Variants in IQGAP2 observed in about 807,000 individuals in gnomAD.
IQGAP2 encodes IQ motif containing GTPase activating protein 2.
IQGAP2 carries 173 observed loss-of-function variants against 201.3 expected under a neutral mutation model. The observed-to-expected ratio is 0.86, with a 90% CI of 0.76 to 0.98. IQGAP2 has a LOEUF of 0.98. Ranked by LOEUF, IQGAP2 falls within the 50% of genes least tolerant of loss-of-function variation. IQGAP2 has a pLI of 0.00. For missense variants in IQGAP2, 1,687 were observed against 1,864.8 expected, an observed-to-expected ratio of 0.90 and a Z score of 1.76; for synonymous variants, 675 against 673.9, an observed-to-expected ratio of 1.00 and a Z score of -0.03.
intron 24 of IQGAP2, among the ~76,000 whole-genome samples, chr5:76,672,950 A>G (rs956506213): frequency 6.6e-6 from 1 of 152,004 alleles, no homozygotes; most frequent in African/African-American, 2.4e-5. Context: ...GATATACCTA[A>G]TGCTAAATGA....
At chr5:76,437,113 G>T (rs188368565) in intron 1 of IQGAP2, among the ~76,000 whole-genome samples, 1 of 151,666 alleles carries the variant, frequency 6.6e-6, no homozygotes, top group African/African-American at 2.4e-5. Flanking sequence ...GTGCAATGGC[G>T]CAATCTCGAC....
chr5:76,448,246 A>G (rs1753524880), intron 1 of IQGAP2, among the ~76,000 whole-genome samples: 1 of 152,200 alleles, frequency 6.6e-6, no homozygotes, highest in Admixed American at 6.5e-5. Flanking sequence ...AATGCTGTGC[A>G]ATGAAGAGGA....
chr5:76,563,442 A>G (rs1163156995), intron 3 of IQGAP2, among the ~76,000 whole-genome samples: 3 of 152,232 alleles, frequency 2.0e-5, no homozygotes, highest in African/African-American at 7.2e-5. Context: ...GAAGGTAGAC[A>G]GATGATAAAA....
chr5:76,641,423 A>T (rs1259278240), intron 17 of IQGAP2, among the ~76,000 whole-genome samples: 1 of 152,182 alleles, frequency 6.6e-6, no homozygotes, highest in Non-Finnish European at 1.5e-5. Flanking sequence ...TGGGGACTTT[A>T]CAATTTGGCT....
intron 5 of IQGAP2, among the ~76,000 whole-genome samples, chr5:76,576,189 A>C (rs1229009672): frequency 7.4e-6 from 1 of 134,960 alleles, no homozygotes; most frequent in Non-Finnish European, 1.6e-5. Flanking sequence ...ATTTAGTTCA[A>C]TTCTTACAAA....
chr5:76,557,496 AG>A (rs1211347618), intron 2 of IQGAP2, among the ~76,000 whole-genome samples: 1 of 152,236 alleles, frequency 6.6e-6, no homozygotes, highest in African/African-American at 2.4e-5. Flanking sequence ...AGAGAAAAAG[AG>A]GTATCTCCAT....
chr5:76,489,455 T>TG (rs528239717), intron 2 of IQGAP2, among the ~76,000 whole-genome samples: 39 of 152,142 alleles, frequency 2.6e-4, no homozygotes, highest in African/African-American at 9.4e-4. Context: ...TCTTTTTTGT[T>TG]TTTGTTGTTT....
intron 16 of IQGAP2, among the ~76,000 whole-genome samples, chr5:76,639,473 G>A (rs537217396): frequency 6.6e-6 from 1 of 152,104 alleles, no homozygotes; most frequent in Non-Finnish European, 1.5e-5. Context: ...ACTCTTGAAG[G>A]AATATTCACC....
rs1252200081 is a variant in IQGAP2, at chr5:76,601,078, A to T, written c.1232+106A>T. The T allele has an allele frequency of 3.7e-6, 4 of 1,069,264 alleles. No homozygotes were observed. In the African/African-American group the frequency reaches 6.4e-5, roughly 17 times the overall value. 66.2% of individuals were successfully genotyped at this position (1,069,264 alleles called of 1,614,324 possible). A position where few individuals can be genotyped will look rare whatever the true frequency, so the allele number is the denominator to read the frequency against. The stretch of plus-strand genomic sequence containing the variant: ...GTGGAGAAATCCATATACCATGCTC[A>T]TGTTTCTTGAAAACTAGTCTGTTTT... On this transcript the variant is annotated intron_variant, in intron 11 of 35. Coordinates refer to ENST00000274364, the MANE Select transcript of IQGAP2 (RefSeq NM_006633.5).
chr5:76,610,990 T>C, intron 12 of IQGAP2, 30 bp from the exon 13 acceptor site: 1 of 1,587,524 alleles, frequency 6.3e-7, no homozygotes, highest in Non-Finnish European at 8.6e-7. Flanking sequence ...TACTGTGACT[T>C]AAAAGGAAAA....
At chr5:76,647,834 CACACACACACACACACAA>C (rs1752180365) in intron 17 of IQGAP2, among the ~76,000 whole-genome samples, 1 of 151,538 alleles carries the variant, frequency 6.6e-6, no homozygotes, top group Non-Finnish European at 1.5e-5. Flanking sequence ...CACACACACA[CACACACACACACACACAA>C]ACGAAAAAAA....
Position 76,674,639 on chromosome 5 carries a change from C to T in IQGAP2, c.3457C>T (p.Leu1153=), listed in dbSNP as rs1561579306. 2 of 1,614,102 alleles carry T rather than the reference C, an allele frequency of 1.2e-6. No homozygotes were observed. The highest frequency in any genetic ancestry group is 2.2e-5 in the South Asian group (2 of 91,080). ...KVLQHAASNK[L]FEGENEHLSS... Reference sequence around the variant, plus strand: ...TCTTCAGCACGCAGCCTCCAACAAGCTGTTTGAAGGAGAAAATGAGCATCT... The same window carrying T: ...TCTTCAGCACGCAGCCTCCAACAAGTTGTTTGAAGGAGAAAATGAGCATCT... The change falls in exon 27 of 36, where the codon CTG becomes TTG. Residue 1153 remains leucine (L), a synonymous_variant. Coordinates refer to ENST00000274364, the MANE Select transcript of IQGAP2 (RefSeq NM_006633.5).
intron 17 of IQGAP2, among the ~76,000 whole-genome samples, chr5:76,641,363 T>C (rs1193735942): frequency 6.6e-6 from 1 of 152,204 alleles, no homozygotes; most frequent in African/African-American, 2.4e-5. Context: ...GCCAACCTAG[T>C]TGGACCCAAA....
chr5:76,550,887 G>A (rs983261072), intron 2 of IQGAP2, among the ~76,000 whole-genome samples: 1 of 152,208 alleles, frequency 6.6e-6, no homozygotes, highest in Admixed American at 6.5e-5. Context: ...AGACGGGGTG[G>A]CGGCCGGGCA....
At chr5:76,495,459 G>T (rs1756837068) in intron 2 of IQGAP2, among the ~76,000 whole-genome samples, 2 of 152,210 alleles carry the variant, frequency 1.3e-5, no homozygotes, top group Admixed American at 1.3e-4. Flanking sequence ...TTGCTGGGCT[G>T]CCAGGGACCA....
chr5:76,486,171 G>A (rs577289844), intron 2 of IQGAP2, among the ~76,000 whole-genome samples: 1 of 152,294 alleles, frequency 6.6e-6, no homozygotes, highest in South Asian at 2.1e-4. Context: ...TGGTATAAAG[G>A]TGTTCAGCTG....
chr5:76,566,587 G>A (rs916173702), intron 3 of IQGAP2, among the ~76,000 whole-genome samples: 4 of 152,164 alleles, frequency 2.6e-5, no homozygotes, highest in African/African-American at 9.7e-5. Context: ...CAGAAGCCTT[G>A]TGATGCCATA....
intron 17 of IQGAP2, among the ~76,000 whole-genome samples, chr5:76,641,746 T>C (rs1408204848): frequency 6.6e-6 from 1 of 152,164 alleles, no homozygotes; most frequent in African/African-American, 2.4e-5. Flanking sequence ...TGAAAGGCTG[T>C]GAGTTTGTTC....
chr5:76,691,391 A>G (rs924140267), intron 30 of IQGAP2: 2 of 152,270 alleles, frequency 1.3e-5, no homozygotes, highest in Non-Finnish European at 2.9e-5. Context: ...GTATATCACA[A>G]TTAGTTCTGA....
Sources: gnomAD v4.1 joint callset for allele counts (sites outside exome capture counted in the v4.1 genomes callset) on GRCh38, gnomAD v4.1.1 for gene constraint, MANE v1.5 for transcripts, NCBI Gene and HGNC (gene_info 2026-07-23, HGNC 2026-07-21) for gene names.